RALGAPA2: variants seen among roughly 807,000 people sequenced by gnomAD.
RALGAPA2 encodes ral GTPase-activating protein subunit alpha-2.
A neutral mutation model predicts 230.4 loss-of-function variants in RALGAPA2; 139 were observed. The ratio of observed to expected loss-of-function variants is 0.60; its 90% CI spans 0.53 to 0.69. The LOEUF is 0.69. RALGAPA2 is among the 30% of genes least tolerant of loss of function. The probability of loss-of-function intolerance (pLI) is 0.00; values close to 1 mark genes in which losing one functional copy is unlikely to be tolerated. For synonymous variants in RALGAPA2, 847 were observed against 837.8 expected (o/e 1.01, Z -0.19); for missense variants, 2,163 against 2,276.0 (o/e 0.95, Z 1.01).
At position 20,392,861 on chromosome 20, in the gene RALGAPA2, G is replaced by C. The variant is rs45445695; in HGVS notation, c.*428C>G. 1.3e-4 allele frequency: 36 copies of C among 273,974 alleles called. No homozygotes were observed. Among genetic ancestry groups the C allele is most frequent in the Admixed American group, 2.9e-4 (6 of 20,718 alleles). The allele number at this position is 273,974 out of a possible 1,614,324, so 17.0% of individuals were successfully genotyped here. On this transcript the variant is annotated 3_prime_UTR_variant, in exon 40 of 40. Coordinates refer to ENST00000202677, the MANE Select transcript of RALGAPA2 (RefSeq NM_020343.4). ...ATGAGAAGAAACAACTTGGGGTGCAGAAGCAAGCTGCCCTCTGCCCCCTCC... is the reference window on the plus strand; with the variant it reads ...ATGAGAAGAAACAACTTGGGGTGCACAAGCAAGCTGCCCTCTGCCCCCTCC...
At chr20:20,520,362 T>C in intron 31 of RALGAPA2, among the ~76,000 whole-genome samples, 1 of 152,186 alleles carries the variant, frequency 6.6e-6, no homozygotes, top group Non-Finnish European at 1.5e-5. Flanking sequence ...AGAGGGGTGC[T>C]TAAGTAAGAA....
chr20:20,546,460 T>C (rs2063776717), intron 24 of RALGAPA2, among the ~76,000 whole-genome samples: 1 of 152,234 alleles, frequency 6.6e-6, no homozygotes, highest in African/African-American at 2.4e-5. Context: ...ACTGTGTAAA[T>C]GTGCTGAAAT....
chr20:20,648,105 A>C (rs2067276605), intron 4 of RALGAPA2, among the ~76,000 whole-genome samples: 1 of 152,062 alleles, frequency 6.6e-6, no homozygotes, highest in African/African-American at 2.4e-5. Context: ...ATACCTGAAT[A>C]AATTATGGAA....
At chr20:20,493,553 T>G (rs1000451679) in intron 36 of RALGAPA2, among the ~76,000 whole-genome samples, 48 of 152,210 alleles carry the variant, frequency 3.2e-4, no homozygotes, top group African/African-American at 1.1e-3. Flanking sequence ...TAAAATGGCT[T>G]GCATGTTTTT....
intron 3 of RALGAPA2, among the ~76,000 whole-genome samples, chr20:20,665,921 T>C (rs956676475): frequency 2.0e-5 from 3 of 152,236 alleles, no homozygotes; most frequent in African/African-American, 7.2e-5. Flanking sequence ...AAAGGGTACC[T>C]TGGCCACCTG....
chr20:20,431,922 T>C (rs1414673195), intron 37 of RALGAPA2, among the ~76,000 whole-genome samples: 1 of 152,194 alleles, frequency 6.6e-6, no homozygotes, highest in Non-Finnish European at 1.5e-5. Flanking sequence ...CTATGCAAAG[T>C]TGAAGTAGGG....
In RALGAPA2 at chr20:20,601,692, T is replaced by A. The variant is rs370722395; in HGVS notation, c.2193A>T (p.Gln731His). Residue 731 changes from glutamine (Q) to histidine (H), a missense_variant, in exon 16 of 40, where the codon CAA becomes CAT. Gln to His is a conservative substitution (Grantham distance 24). Transcript: ENST00000202677. The part of the protein sequence containing the change: ...GVEKARNIVR[Q>H]KATEVEECQQ... Reference sequence around the variant, plus strand: ...TAAATAAATGTTTACCAGTTGCTTTTTGGCGAACAATATTTCTTGCCTTTT... The same window carrying A: ...TAAATAAATGTTTACCAGTTGCTTTATGGCGAACAATATTTCTTGCCTTTT... 2 of 1,610,166 alleles carry A rather than the reference T, an allele frequency of 1.2e-6. No individual in the cohort carries two copies. The highest frequency in any genetic ancestry group is 2.2e-5 in the East Asian group (1 of 44,878).
At chr20:20,646,901 A>AT (rs5840888) in intron 4 of RALGAPA2, among the ~76,000 whole-genome samples, 148,974 of 151,232 alleles carry the variant, frequency 0.99, 73,373 homozygotes, top group Middle Eastern at 1. Flanking sequence ...TGTACTTTTA[A>AT]TTTTTTTTTC....
intron 27 of RALGAPA2, among the ~76,000 whole-genome samples, chr20:20,530,029 T>C (rs964717269): frequency 2.6e-5 from 4 of 152,248 alleles, no homozygotes; most frequent in African/African-American, 9.6e-5. Flanking sequence ...TGATCTATAA[T>C]TTATAGCCAA....
chr20:20,520,475 T>C (rs142298562), intron 31 of RALGAPA2, among the ~76,000 whole-genome samples: 115 of 152,306 alleles, frequency 7.6e-4, no homozygotes, highest in Middle Eastern at 3.4e-3. Context: ...TTTCCATCTC[T>C]TTTTATGATG....
At chr20:20,463,874 C>T (rs1391220201) in intron 37 of RALGAPA2, among the ~76,000 whole-genome samples, 1 of 152,200 alleles carries the variant, frequency 6.6e-6, no homozygotes, top group Non-Finnish European at 1.5e-5. Flanking sequence ...CTCTTGCATG[C>T]TTTTGATATG....
chr20:20,531,078 C>G (rs1237617782), intron 27 of RALGAPA2, among the ~76,000 whole-genome samples: 1 of 152,184 alleles, frequency 6.6e-6, no homozygotes, highest in Admixed American at 6.5e-5. Flanking sequence ...TCACTTATAC[C>G]TGTGTGGCCT....
At chr20:20,626,355 TAC>T (rs1219152495) in intron 10 of RALGAPA2, among the ~76,000 whole-genome samples, 1 of 152,232 alleles carries the variant, frequency 6.6e-6, no homozygotes, top group Non-Finnish European at 1.5e-5. Flanking sequence ...AAACTTCACA[TAC>T]ACAGTTACTC....
intron 37 of RALGAPA2, among the ~76,000 whole-genome samples, chr20:20,446,638 G>T (rs1250402029): frequency 6.6e-6 from 1 of 152,184 alleles, no homozygotes; most frequent in East Asian, 1.9e-4. Context: ...GCTCAGCACT[G>T]CCCTGGGTTA....
At chr20:20,635,818 G>C (rs1257592536) in intron 8 of RALGAPA2, among the ~76,000 whole-genome samples, 1 of 152,134 alleles carries the variant, frequency 6.6e-6, no homozygotes, top group African/African-American at 2.4e-5. Flanking sequence ...CTGAGAATGA[G>C]TGATGATGGT....
At position 20,475,073 on chromosome 20, in the gene RALGAPA2, C is replaced by T. The variant is rs557238059; in HGVS notation, c.5368-2117G>A. ...CACACAATTGGAAGGCAAATACCTG[C>T]TAAATGAGTTACATTCATTAATATT... On this transcript the variant is annotated intron_variant, in intron 36 of 39. Coordinates refer to ENST00000202677, the MANE Select transcript of RALGAPA2 (RefSeq NM_020343.4). 2.6e-5 allele frequency among the ~76,000 whole-genome samples: 4 copies of T among 152,240 alleles called. No homozygotes were observed. The South Asian group carries it at 8.3e-4, about 32-fold the overall frequency.
At chr20:20,689,323 T>A in intron 1 of RALGAPA2, among the ~76,000 whole-genome samples, 1 of 152,138 alleles carries the variant, frequency 6.6e-6, no homozygotes. Flanking sequence ...TAACTATGAG[T>A]AAATATTACC....
rs148734336 is a variant in RALGAPA2 at position 20,591,684 on chromosome 20, C to CCACACA, written c.2204-376_2204-371dup. ...ATGTACATTTGAGAAGAACAGAAAACCACACACACACACACACACACACAT... is the reference window on the plus strand; with the variant it reads ...ATGTACATTTGAGAAGAACAGAAAACCACACACACACACACACACACACACACACAT... On this transcript the variant is annotated intron_variant, in intron 16 of 39. Transcript: ENST00000202677. Among the ~76,000 whole-genome samples the CCACACA allele has an allele frequency of 7.0e-3, 1,037 of 147,586 alleles. 9 individuals are homozygous for CCACACA. Among genetic ancestry groups the CCACACA allele is most frequent in the African/African-American group, 0.024 (984 of 40,422 alleles).
chr20:20,514,922 G>A (rs1250775289), intron 31 of RALGAPA2, among the ~76,000 whole-genome samples: 1 of 152,224 alleles, frequency 6.6e-6, no homozygotes, highest in Non-Finnish European at 1.5e-5. Flanking sequence ...CAGGAGCCAA[G>A]GAGATTTCCC....
Sources: gnomAD v4.1 joint callset for allele counts (sites outside exome capture counted in the v4.1 genomes callset) on GRCh38, gnomAD v4.1.1 for gene constraint, MANE v1.5 for transcripts, NCBI Gene and HGNC (gene_info 2026-07-23, HGNC 2026-07-21) for gene names.